DNAH2: variants seen among roughly 807,000 people sequenced by gnomAD.
DNAH2 encodes dynein axonemal heavy chain 2, also known as axonemal beta dynein heavy chain 2.
DNAH2 carries 323 observed loss-of-function variants against 523.5 expected under a neutral mutation model. The ratio of observed to expected loss-of-function variants is 0.62; its 90% CI spans 0.56 to 0.68. The LOEUF is 0.68. Among genes scored for constraint, DNAH2 ranks in the 30% least tolerant of loss-of-function variants. DNAH2 has a pLI of 0.00. For missense variants in DNAH2, 4,907 were observed against 5,701.5 expected (o/e 0.86, Z 4.49); for synonymous variants, 2,093 against 2,177.4 (o/e 0.96, Z 1.08).
intron 58 of DNAH2, among the ~76,000 whole-genome samples, chr17:7,802,873 A>T (rs547124269): frequency 6.8e-6 from 1 of 147,738 alleles, no homozygotes; most frequent in African/African-American, 2.5e-5. Flanking sequence ...GGGTTTCACC[A>T]TGTTGGCCAG....
At chr17:7,793,368 C>T (rs762423677) in intron 48 of DNAH2, among the ~76,000 whole-genome samples, 163 bp downstream of exon 48, 9 of 152,162 alleles carry the variant, frequency 5.9e-5, no homozygotes, top group Non-Finnish European at 1.3e-4. Context: ...CACTCACGAG[C>T]CAGGCATCCT....
intron 8 of DNAH2, chr17:7,737,913 G>T (rs1165246109): frequency 2.9e-6 from 2 of 697,712 alleles, no homozygotes; most frequent in South Asian, 1.5e-5. Context: ...CAGAGAAGGA[G>T]TTGGGTGTCA....
chr17:7,758,708 T>A (rs2075915752), intron 14 of DNAH2, 57 bp downstream of exon 14: 1 of 1,579,744 alleles, frequency 6.3e-7, no homozygotes, highest in Non-Finnish European at 8.6e-7. Flanking sequence ...CATTTATACC[T>A]GAGTGTTGCA....
At position 7,824,179 on chromosome 17, in the gene DNAH2, A is replaced by T; in HGVS notation, c.11537A>T (p.Asp3846Val). Residue 3846 changes from aspartate (D) to valine (V), a missense_variant, in exon 76 of 86, where the codon GAC becomes GTC. By Grantham distance (152) the Asp-to-Val change is radical. Around this residue, in one of 3 missense-constraint regions of DNAH2, gnomAD observed 1,851 missense variants for 2,139.4 expected, o/e 0.87. Transcript: ENST00000572933. ...PLVFILSPGV[D>V]PTSALLQLAE... ...GTGTTCATCCTGTCCCCTGGTGTGG[A>T]CCCCACCAGTGCCCTGCTGCAGCTG... The T allele has an allele frequency of 6.2e-7, 1 of 1,602,460 alleles. No individual in the cohort carries two copies.
chr17:7,823,623 T>G lies in DNAH2; in HGVS notation c.11324T>G (p.Leu3775Arg). 1 of 1,613,890 alleles carries G rather than the reference T, an allele frequency of 6.2e-7. No homozygotes were observed. The highest frequency in any genetic ancestry group is 2.2e-5 in the East Asian group (1 of 44,890). Residue 3775 changes from leucine to arginine, a missense_variant, in exon 74 of 86, where the codon CTG becomes CGG. Physicochemically the swap from Leu to Arg is moderately radical, Grantham distance 102 (BLOSUM62 -2). This residue lies in a region of DNAH2 where 1,851 missense variants were observed against 2,139.4 expected (regional missense o/e 0.87). Transcript: ENST00000572933. ...AATGCTGCCCCGGAGAAGGCGATGC[T>G]GCCAGGTACCAGGCGTCTGTGTCCC... The part of the protein sequence containing the change: ...YTNAAPEKAM[L>R]PGEWENACNE...
rs968968125 is a variant in DNAH2 at position 7,776,682 on chromosome 17, AG to A, written c.4948-96del. 14 of 905,578 alleles carry A rather than the reference AG, an allele frequency of 1.5e-5. No homozygotes were observed. The African/African-American group carries it at 2.2e-4, about 14-fold the overall frequency. 56.1% of individuals were successfully genotyped at this position (905,578 alleles called of 1,614,324 possible). A position where few individuals can be genotyped will look rare whatever the true frequency, so the allele number is the denominator to read the frequency against. On this transcript the variant is annotated intron_variant, in intron 31 of 85. Coordinates refer to ENST00000572933, the MANE Select transcript of DNAH2 (RefSeq NM_020877.5). ...TCAGAGCAGATTGGGTGCAGTTGGG[AG>A]AGGCACATGGTTCTTGAATTAGCTG...
chr17:7,739,939 G>A lies in DNAH2; in HGVS notation c.1376+1G>A, dbSNP rs765219994. The A allele has an allele frequency of 6.2e-7, 1 of 1,613,618 alleles. No individual in the cohort carries two copies. Among genetic ancestry groups the A allele is most frequent in the South Asian group, 1.1e-5 (1 of 91,062 alleles). ...CCTGTTGGCATGAAGACTACAATAA[G>A]TGAGGGAACCACAGGCTGATGCCAG... On this transcript the variant is annotated splice_donor_variant, in intron 9 of 85. Coordinates refer to ENST00000572933, the MANE Select transcript of DNAH2 (RefSeq NM_020877.5). LOFTEE classifies it high-confidence loss of function.
At chr17:7,726,788 C>G (rs1255222847) in intron 3 of DNAH2, among the ~76,000 whole-genome samples, 1 of 152,180 alleles carries the variant, frequency 6.6e-6, no homozygotes, top group Non-Finnish European at 1.5e-5. Context: ...ATATCCTACA[C>G]ATTCCCTTAA....
chr17:7,779,218 A>C (rs2076539344), intron 35 of DNAH2, 25 bp from the exon 36 acceptor site: 1 of 1,608,896 alleles, frequency 6.2e-7, no homozygotes, highest in Non-Finnish European at 8.5e-7. Context: ...TCTCGCTCCC[A>C]GTGACTCTGC....
intron 18 of DNAH2, among the ~76,000 whole-genome samples, chr17:7,763,515 G>A (rs1469107326): frequency 2.6e-5 from 4 of 152,146 alleles, no homozygotes; most frequent in East Asian, 3.9e-4. Flanking sequence ...TCCTGACCTC[G>A]TGATTCACCT....
At chr17:7,732,746 G>T (rs763038431) in intron 4 of DNAH2, among the ~76,000 whole-genome samples, 1 of 152,070 alleles carries the variant, frequency 6.6e-6, no homozygotes, top group Non-Finnish European at 1.5e-5. Context: ...ATTGGCTGAA[G>T]TGCTTCCTCC....
chr17:7,821,513 T>C lies in DNAH2; in HGVS notation c.11142+144T>C. On this transcript the variant is annotated intron_variant, in intron 73 of 85. Transcript: ENST00000572933. The surrounding 1 kb of genome is among the most constrained non-coding windows in gnomAD (Gnocchi z 5.0). ...AAAATCCAGGCCAGCATCAGGTGCA[T>C]GGTGAGCTCCCTGGGGCTGCGGAGG... 5 of 1,227,966 alleles carry C rather than the reference T, an allele frequency of 4.1e-6. No homozygotes were observed. Among genetic ancestry groups the C allele is most frequent in the South Asian group, 3.2e-5 (2 of 62,044 alleles). 76.1% of individuals were successfully genotyped at this position (1,227,966 alleles called of 1,614,324 possible). A position where few individuals can be genotyped will look rare whatever the true frequency, so the allele number is the denominator to read the frequency against.
At chr17:7,815,540 T>TCA (rs1232047971) in intron 63 of DNAH2, among the ~76,000 whole-genome samples, 1 of 150,528 alleles carries the variant, frequency 6.6e-6, no homozygotes. Context: ...ATATACAGGA[T>TCA]CACACACATA....
chr17:7,748,861 A>C (rs947526278), intron 12 of DNAH2, among the ~76,000 whole-genome samples: 1 of 151,298 alleles, frequency 6.6e-6, no homozygotes, highest in Admixed American at 6.6e-5. Flanking sequence ...TAAAATTTGC[A>C]TTCTGGAAAT....
At chr17:7,741,337 C>T (rs71371814) in intron 11 of DNAH2, among the ~76,000 whole-genome samples, 4 of 114,750 alleles carry the variant, frequency 3.5e-5, no homozygotes, top group Admixed American at 1.0e-4. Context: ...TTCCTTCCTT[C>T]CTTCCTTCCT....
rs1281792892 is a variant in DNAH2, at chr17:7,771,725, A to AT, written c.4501+267dup. Among the ~76,000 whole-genome samples the AT allele has an allele frequency of 5.3e-5, 8 of 151,480 alleles. No homozygotes were observed. In the East Asian group the frequency reaches 1.4e-3, roughly 26 times the overall value. ...TGAGTTTATTTATTTATTAAAAAAA[A>AT]TTTTTTTTTTGAGACAGAGTTTTGC... On this transcript the variant is annotated intron_variant, in intron 28 of 85. Coordinates refer to ENST00000572933, the MANE Select transcript of DNAH2 (RefSeq NM_020877.5).
At chr17:7,758,692 AT>A in intron 14 of DNAH2, 41 bp downstream of exon 14, 1 of 1,590,602 alleles carries the variant, frequency 6.3e-7, no homozygotes, top group Non-Finnish European at 8.6e-7. Context: ...TGCAAGGCTG[AT>A]GGGTCATTTA....
chr17:7,760,700 G>C lies in DNAH2; in HGVS notation c.2786-40G>C, dbSNP rs1162430323. 6.3e-7 allele frequency: 1 copy of C among 1,584,272 alleles called. No individual in the cohort carries two copies. Among genetic ancestry groups the C allele is most frequent in the Non-Finnish European group, 8.6e-7 (1 of 1,163,040 alleles). On this transcript the variant is annotated intron_variant, in intron 17 of 85. Transcript: ENST00000572933. This position sits in a 1 kb window ranked among gnomAD's most constrained non-coding sequence, Gnocchi z 4.0. Reference sequence around the variant, plus strand: ...GGGCTCAGGCAGAAGTTGGGTTGGGGTGGAAGTCAGTGAGAAGCATCTTTC... The same window carrying C: ...GGGCTCAGGCAGAAGTTGGGTTGGGCTGGAAGTCAGTGAGAAGCATCTTTC...
intron 2 of DNAH2, among the ~76,000 whole-genome samples, chr17:7,723,197 C>G: frequency 6.7e-6 from 1 of 149,776 alleles, no homozygotes; most frequent in Non-Finnish European, 1.5e-5. Context: ...GTCTTGATCT[C>G]CTGACCTCAT....
Sources: allele counts gnomAD v4.1 joint callset (sites outside exome capture counted in the v4.1 genomes callset), GRCh38; gene constraint gnomAD v4.1.1; regional missense constraint gnomAD v4.1.1; non-coding constraint Gnocchi (gnomAD v3.1); transcripts MANE v1.5; gene names NCBI Gene and HGNC (gene_info 2026-07-23, HGNC 2026-07-21).